The following DTD1 variants were observed in gnomAD, a reference collection of about 807,000 sequenced individuals.
DTD1 encodes D-tyrosyl-tRNA deacylase 1 homolog.
In DTD1, 13 loss-of-function variants were observed where a neutral mutation model predicts 25.6. That is an observed-to-expected ratio of 0.51 (90% CI 0.33 to 0.81). The LOEUF is 0.81. Among genes scored for constraint, DTD1 ranks in the 30% least tolerant of loss-of-function variants. The pLI is 0.02. For missense variants in DTD1, 193 were observed against 266.4 expected (o/e 0.72, Z 1.92); for synonymous variants, 110 against 103.6 (o/e 1.06, Z -0.37).
At chr20:18,762,003 C>G (rs1023761679) in intron 5 of DTD1, among the ~76,000 whole-genome samples, 11 of 152,094 alleles carry the variant, frequency 7.2e-5, no homozygotes, top group African/African-American at 2.7e-4. Flanking sequence ...CGAGGGTAGC[C>G]CTTGGGGATA....
At chr20:18,650,731 T>G (rs1029078110) in intron 4 of DTD1, among the ~76,000 whole-genome samples, 39 of 152,344 alleles carry the variant, frequency 2.6e-4, no homozygotes, top group African/African-American at 9.4e-4. Flanking sequence ...CTATTTGCTG[T>G]GTAAGGTTGT....
intron 2 of DTD1, among the ~76,000 whole-genome samples, chr20:18,594,685 C>T (rs1354007282): frequency 1.3e-5 from 2 of 152,168 alleles, no homozygotes; most frequent in African/African-American, 4.8e-5. Flanking sequence ...TGAATTCCTG[C>T]TAAGGTGTTG....
chr20:18,645,975 A>G (rs2060848828), intron 4 of DTD1, among the ~76,000 whole-genome samples: 4 of 152,188 alleles, frequency 2.6e-5, no homozygotes, highest in Non-Finnish European at 5.9e-5. Flanking sequence ...CATCCTTCCT[A>G]GAGATGTAGA....
rs903783652 is a variant in DTD1 at position 18,763,984 on chromosome 20, G to T, written c.*644G>T. The T allele has an allele frequency of 6.6e-6, 1 of 151,700 alleles. No individual in the cohort carries two copies. Among genetic ancestry groups the T allele is most frequent in the Non-Finnish European group, 1.5e-5 (1 of 67,924 alleles). 9.4% of individuals were successfully genotyped at this position (151,700 alleles called of 1,614,324 possible). On this transcript the variant is annotated 3_prime_UTR_variant, in exon 6 of 6. Transcript: ENST00000377452. The stretch of plus-strand genomic sequence containing the variant: ...CAATGCGTCTGACCTCTCTCTATGC[G>T]TATCTACACTTCTTTTCACATAAGT...
intron 3 of DTD1, among the ~76,000 whole-genome samples, chr20:18,618,359 T>G (rs1251780052): frequency 4.7e-5 from 7 of 150,140 alleles, no homozygotes; most frequent in African/African-American, 1.7e-4. Flanking sequence ...TGTTTTTTTG[T>G]TTTTTTTTGA....
chr20:18,631,202 C>T, intron 4 of DTD1: 1 of 985,484 alleles, frequency 1.0e-6, no homozygotes, highest in Non-Finnish European at 1.2e-6. Flanking sequence ...CTGAGTCCAG[C>T]CTCTCCCTGG....
At chr20:18,700,661 A>T (rs1182174828) in intron 4 of DTD1, among the ~76,000 whole-genome samples, 1 of 152,116 alleles carries the variant, frequency 6.6e-6, no homozygotes, top group African/African-American at 2.4e-5. Flanking sequence ...TTTATTCCAC[A>T]CCTTCCACAC....
At chr20:18,686,678 T>TGTG (rs2061018252) in intron 4 of DTD1, among the ~76,000 whole-genome samples, 3 of 133,306 alleles carry the variant, frequency 2.3e-5, no homozygotes, top group African/African-American at 8.1e-5. Context: ...GTGTGTGTGG[T>TGTG]GTGTGTGTGC....
intron 1 of DTD1, chr20:18,588,672 G>A: frequency 7.3e-6 from 7 of 961,916 alleles, no homozygotes; most frequent in Non-Finnish European, 8.7e-6. Flanking sequence ...GCTGGATGAG[G>A]GGCGCCCCCT....
chr20:18,705,004 C>A lies in DTD1; in HGVS notation c.478-39096C>A, dbSNP rs74571979. ...GCTGTCCAGTAGCATGGCCACTAAC[C>A]ACAAGTGCTAAACTGAAATAAAATT... On this transcript the variant is annotated intron_variant, in intron 4 of 5. Coordinates refer to ENST00000377452, the MANE Select transcript of DTD1 (RefSeq NM_080820.6). Among the ~76,000 whole-genome samples the A allele has an allele frequency of 3.8e-3, 584 of 152,302 alleles. 2 individuals are homozygous for A. The highest frequency in any genetic ancestry group is 0.013 in the African/African-American group (553 of 41,566).
intron 4 of DTD1, among the ~76,000 whole-genome samples, chr20:18,708,157 ATGT>A (rs2061133898): frequency 4.5e-5 from 1 of 22,434 alleles, no homozygotes; most frequent in Non-Finnish European, 1.6e-4. Context: ...AATTATTAAC[ATGT>A]GTGTGTGTGT....
chr20:18,733,671 T>C (rs545204550), intron 4 of DTD1, among the ~76,000 whole-genome samples: 1 of 152,344 alleles, frequency 6.6e-6, no homozygotes, highest in African/African-American at 2.4e-5. Flanking sequence ...TCCCTCTTCT[T>C]ATTTTTGCAT....
intron 4 of DTD1, among the ~76,000 whole-genome samples, chr20:18,682,621 A>G (rs914020436): frequency 1.3e-5 from 2 of 152,190 alleles, no homozygotes; most frequent in African/African-American, 2.4e-5. Flanking sequence ...AGACAGGACA[A>G]TCCTTGACAT....
At chr20:18,757,010 G>A (rs1262241405) in intron 5 of DTD1, among the ~76,000 whole-genome samples, 1 of 149,716 alleles carries the variant, frequency 6.7e-6, no homozygotes, top group Non-Finnish European at 1.5e-5. Context: ...GGATTCCTAG[G>A]TATTTTATTC....
At chr20:18,691,006 G>A (rs1162601690) in intron 4 of DTD1, among the ~76,000 whole-genome samples, 1 of 152,126 alleles carries the variant, frequency 6.6e-6, no homozygotes, top group Non-Finnish European at 1.5e-5. Flanking sequence ...CAACAAACGT[G>A]GAAAAATGCT....
chr20:18,695,536 TTTCCCTTCCCTTCCC>T (rs761881736), intron 4 of DTD1, among the ~76,000 whole-genome samples: 1 of 12,934 alleles, frequency 7.7e-5, no homozygotes, highest in African/African-American at 3.5e-4. Context: ...CTTCCCTTCC[TTTCCCTTCCCTTCCC>T]TTCCCTTCTC....
At chr20:18,606,854 C>G (rs2060661301) in intron 3 of DTD1, among the ~76,000 whole-genome samples, 1 of 148,958 alleles carries the variant, frequency 6.7e-6, no homozygotes, top group Non-Finnish European at 1.5e-5. Flanking sequence ...GTGTAGCGCA[C>G]CAGCATGGCA....
intron 1 of DTD1, among the ~76,000 whole-genome samples, chr20:18,589,737 G>T (rs1240107567): frequency 6.6e-6 from 1 of 152,158 alleles, no homozygotes; most frequent in Non-Finnish European, 1.5e-5. Context: ...TCTCCATCCT[G>T]CTAATCTGGA....
intron 5 of DTD1, among the ~76,000 whole-genome samples, chr20:18,759,332 C>T (rs2061351881): frequency 2.6e-5 from 4 of 152,138 alleles, no homozygotes; most frequent in Non-Finnish European, 5.9e-5. Context: ...TTCCTAGCCT[C>T]GATGGTCTTT....
Sources: allele counts gnomAD v4.1 joint callset (sites outside exome capture counted in the v4.1 genomes callset), GRCh38; gene constraint gnomAD v4.1.1; transcripts MANE v1.5; gene names NCBI Gene and HGNC (gene_info 2026-07-23, HGNC 2026-07-21).